Variants in AMZ2 observed in about 807,000 individuals in gnomAD.
AMZ2 encodes the protein archaemetzincin-2.
AMZ2 carries 26 observed loss-of-function variants against 36.7 expected under a neutral mutation model. That is an observed-to-expected ratio of 0.71 (90% CI 0.52 to 0.98). The LOEUF is 0.98. Among genes scored for constraint, AMZ2 ranks in the 50% least tolerant of loss-of-function variants. The pLI is 0.00. For missense variants in AMZ2, 394 were observed against 430.5 expected (o/e 0.92, Z 0.75); for synonymous variants, 144 against 149.1 (o/e 0.97, Z 0.25).
chr17:68,231,255 G>C (rs1450322617), intron 1 of AMZ2, among the ~76,000 whole-genome samples: 5 of 151,762 alleles, frequency 3.3e-5, no homozygotes, highest in Non-Finnish European at 2.9e-5. Flanking sequence ...TTTTTTAGTA[G>C]AGAGGGTTTT....
chr17:68,245,803 A>G (rs528492833), upstream of AMZ2, among the ~76,000 whole-genome samples: 40 of 152,316 alleles, frequency 2.6e-4, no homozygotes, highest in African/African-American at 7.5e-4. Context: ...AATAGGTTAC[A>G]ATCATTGTGA....
intron 4 of AMZ2, 103 bp from the exon 5 acceptor site, chr17:68,254,301 A>G: frequency 8.9e-7 from 1 of 1,118,220 alleles, no homozygotes; most frequent in Non-Finnish European, 1.3e-6. Context: ...ACAGTGACAC[A>G]GAGATGCACT....
At chr17:68,243,121 C>T (rs2073936720), upstream of AMZ2, among the ~76,000 whole-genome samples, 1 of 149,630 alleles carries the variant, frequency 6.7e-6, no homozygotes, top group Non-Finnish European at 1.5e-5. Context: ...TTCTGTAGGT[C>T]ACTATTGTCT....
At chr17:68,253,914 G>C (rs1260385820) in intron 4 of AMZ2, among the ~76,000 whole-genome samples, 1 of 151,942 alleles carries the variant, frequency 6.6e-6, no homozygotes, top group Admixed American at 6.6e-5. Context: ...CATCATGCCT[G>C]GCTAATTTTT....
intron 6 of AMZ2, among the ~76,000 whole-genome samples, chr17:68,256,203 G>A (rs1555742789): frequency 6.6e-6 from 1 of 152,186 alleles, no homozygotes; most frequent in East Asian, 1.9e-4. Context: ...CCCTATAAGT[G>A]TGTGGACAGG....
chr17:68,246,248 G>A (rs559353719), upstream of AMZ2, among the ~76,000 whole-genome samples: 4 of 149,084 alleles, frequency 2.7e-5, no homozygotes, highest in African/African-American at 5.0e-5. Flanking sequence ...TGTGCCTGTA[G>A]TCCCAGCTAC....
upstream of AMZ2, among the ~76,000 whole-genome samples, chr17:68,243,791 A>T (rs1334337650): frequency 6.6e-6 from 1 of 152,230 alleles, no homozygotes; most frequent in Non-Finnish European, 1.5e-5. Flanking sequence ...ACACATTCAA[A>T]AAAAGATCAA....
chr17:68,245,622 A>T (rs1376985901), upstream of AMZ2, among the ~76,000 whole-genome samples: 2 of 152,174 alleles, frequency 1.3e-5, no homozygotes, highest in African/African-American at 4.8e-5. Context: ...GAGCAAGTAC[A>T]AAGTTCATGA....
chr17:68,237,155 A>T (rs570065147), intron 1 of AMZ2, among the ~76,000 whole-genome samples: 1,913 of 152,328 alleles, frequency 0.013, 16 homozygotes, highest in Middle Eastern at 0.034. Context: ...AGCCATCCTT[A>T]TACATGGATT....
intron 1 of AMZ2, among the ~76,000 whole-genome samples, chr17:68,211,291 A>G (rs1325320162): frequency 6.6e-6 from 1 of 152,116 alleles, no homozygotes; most frequent in Non-Finnish European, 1.5e-5. Flanking sequence ...TCATGAGGTC[A>G]GGAGATCGAG....
intron 1 of AMZ2, among the ~76,000 whole-genome samples, chr17:68,240,978 C>T (rs1214945720): frequency 6.6e-6 from 1 of 152,140 alleles, no homozygotes. Flanking sequence ...GGATGTGCTG[C>T]TGAAACCAAA....
At chr17:68,206,988 A>C (rs34295172) in intron 1 of AMZ2, 18,946 of 152,310 alleles carry the variant, frequency 0.12, 1,332 homozygotes, top group Non-Finnish European at 0.15. Flanking sequence ...TTAAATCAAA[A>C]ATGAAAGTAC....
At chr17:68,209,195 TAC>T (rs2072938205) in intron 1 of AMZ2, among the ~76,000 whole-genome samples, 2 of 131,908 alleles carry the variant, frequency 1.5e-5, no homozygotes, top group Non-Finnish European at 3.2e-5. Flanking sequence ...TTAATTTTAG[TAC>T]TTTTTTTTTT....
In AMZ2 at chr17:68,231,632, G is replaced by A. The variant is rs528623391; in HGVS notation, c.-66-17008G>A. Among the ~76,000 whole-genome samples, 37 of 36,120 alleles carry A rather than the reference G, an allele frequency of 1.0e-3. 12 individuals carry two copies. Among genetic ancestry groups the A allele is most frequent in the Admixed American group, 0.01 (30 of 2,986 alleles). The allele number at this position is 36,120 out of a possible 152,430, so 23.7% of individuals were successfully genotyped here. A position where few individuals can be genotyped will look rare whatever the true frequency, so the allele number is the denominator to read the frequency against. ...GGGAAACACATAAGTAGTAGTACGA[G>A]TTTTCCTTGCATGGGGACATACTTG... is the stretch of plus-strand genomic sequence containing the variant. On this transcript the variant is annotated intron_variant, in intron 1 of 7. Transcript: ENST00000674770.
At chr17:68,221,506 G>A (rs2073365871) in intron 1 of AMZ2, among the ~76,000 whole-genome samples, 1 of 152,014 alleles carries the variant, frequency 6.6e-6, no homozygotes, top group South Asian at 2.1e-4. Flanking sequence ...GAGGCAGGCG[G>A]ACCACGAGGT....
chr17:68,210,957 AGGG>A (rs71142141), intron 1 of AMZ2, among the ~76,000 whole-genome samples: 12 of 117,812 alleles, frequency 1.0e-4, no homozygotes, highest in South Asian at 2.8e-4. Context: ...TCAAAAAAAA[AGGG>A]GGGGGGGGAG....
At chr17:68,210,793 CA>C (rs1223510611) in intron 1 of AMZ2, among the ~76,000 whole-genome samples, 1 of 151,762 alleles carries the variant, frequency 6.6e-6, no homozygotes, top group African/African-American at 2.4e-5. Flanking sequence ...ACAAACAATG[CA>C]AAAATTAGCC....
Position 68,229,020 on chromosome 17 carries a change from G to A in AMZ2, c.-66-19620G>A, listed in dbSNP as rs567547630. On this transcript the variant is annotated intron_variant, in intron 1 of 7. Transcript: ENST00000674770. ...CCTCTGGCCTCCGTGGCCAGGTGGC[G>A]AGTCCTGTTTCTGTCCTGGGTTAAC... Among the ~76,000 whole-genome samples, 4 of 152,346 alleles carry A rather than the reference G, an allele frequency of 2.6e-5. No homozygotes were observed. In the East Asian group the frequency reaches 7.7e-4, roughly 29 times the overall value.
intron 1 of AMZ2, among the ~76,000 whole-genome samples, chr17:68,228,924 G>T (rs1555730562): frequency 6.6e-6 from 1 of 152,198 alleles, no homozygotes; most frequent in Non-Finnish European, 1.5e-5. Flanking sequence ...TAGTATCCTG[G>T]CCCCGTCAAG....
Sources: allele counts gnomAD v4.1 joint callset (sites outside exome capture counted in the v4.1 genomes callset), GRCh38; gene constraint gnomAD v4.1.1; transcripts MANE v1.5; gene names NCBI Gene and HGNC (gene_info 2026-07-23, HGNC 2026-07-21).